IFT80: variants seen among roughly 807,000 people sequenced by gnomAD.
The protein encoded by IFT80 is intraflagellar transport 80.
IFT80 carries 79 observed loss-of-function variants against 107.9 expected under a neutral mutation model. The observed-to-expected ratio is 0.73, with a 90% CI of 0.61 to 0.88. The LOEUF (loss-of-function observed/expected upper bound fraction) is 0.88, where lower values mean the gene tolerates loss of function less well. Among genes scored for constraint, IFT80 ranks in the 40% least tolerant of loss-of-function variants. The pLI is 0.00. For missense variants in IFT80, 797 were observed against 914.2 expected (o/e 0.87, Z 1.65); for synonymous variants, 299 against 300.9 (o/e 0.99, Z 0.07).
At chr3:160,277,875 G>T (rs181646628) in intron 16 of IFT80, among the ~76,000 whole-genome samples, 53 of 152,074 alleles carry the variant, frequency 3.5e-4, no homozygotes, top group African/African-American at 1.3e-3. Context: ...ACTTTTGAAT[G>T]AAATTTTCAA....
At chr3:160,278,572 CT>C (rs1166618653) in intron 16 of IFT80, among the ~76,000 whole-genome samples, 1 of 152,120 alleles carries the variant, frequency 6.6e-6, no homozygotes, top group Non-Finnish European at 1.5e-5. Context: ...ACGCTTTCCA[CT>C]CCTTAACCTA....
intron 8 of IFT80, among the ~76,000 whole-genome samples, chr3:160,334,827 G>C (rs1420927672): frequency 6.8e-6 from 1 of 148,148 alleles, no homozygotes; most frequent in Non-Finnish European, 1.5e-5. Context: ...TTTAAAGACA[G>C]TTTCCTTGTT....
intron 1 of IFT80, among the ~76,000 whole-genome samples, chr3:160,391,323 T>C (rs181270601): frequency 6.6e-6 from 1 of 152,282 alleles, no homozygotes; most frequent in East Asian, 1.9e-4. Context: ...TAAGTTCACA[T>C]TGCCTAATTT....
In IFT80 at chr3:160,319,782, A is replaced by T; in HGVS notation, c.935T>A (p.Leu312Ter). 1 of 1,612,922 alleles carries T rather than the reference A, an allele frequency of 6.2e-7. No individual in the cohort carries two copies. Among genetic ancestry groups the T allele is most frequent in the Non-Finnish European group, 8.5e-7 (1 of 1,179,192 alleles). ...HWEWKNFQVT[L>*]TKRRAMQVRN... ...TACCTGCATGGCTCTTCTTTTCGTT[A>T]ATGTTACTTGAAAATTTTTCCACTC... The change falls in exon 9 of 20, where the codon TTA becomes TAA. Residue 312 changes from leucine (L) to a stop codon, truncating the protein, a stop_gained. Transcript: ENST00000326448. LOFTEE classifies it high-confidence loss of function.
At chr3:160,374,092 A>C (rs1217054501) in intron 5 of IFT80, among the ~76,000 whole-genome samples, 1 of 152,196 alleles carries the variant, frequency 6.6e-6, no homozygotes, top group East Asian at 1.9e-4. Context: ...GAGATAACAG[A>C]AAAATTGAAG....
intron 6 of IFT80, among the ~76,000 whole-genome samples, chr3:160,365,352 C>T (rs187128067): frequency 2.0e-5 from 3 of 152,156 alleles, no homozygotes; most frequent in East Asian, 1.9e-4. Context: ...AATATGGAAC[C>T]TCAAAGTCAT....
intron 3 of IFT80, 171 bp from the exon 4 acceptor site, chr3:160,377,711 A>G: frequency 2.1e-6 from 1 of 468,420 alleles, no homozygotes; most frequent in Non-Finnish European, 3.8e-6. Context: ...AAAATTATTT[A>G]AATATTTTAA....
At chr3:160,280,876 C>A (rs1714638331) in intron 14 of IFT80, 62 bp from the exon 15 acceptor site, 3 of 1,414,966 alleles carry the variant, frequency 2.1e-6, no homozygotes, top group Non-Finnish European at 2.9e-6. Flanking sequence ...AAAAATAGAT[C>A]TTTAAAATGC....
chr3:160,350,556 C>G (rs1351895945), intron 8 of IFT80, among the ~76,000 whole-genome samples: 2 of 152,122 alleles, frequency 1.3e-5, no homozygotes, highest in African/African-American at 4.8e-5. Context: ...GTGGCTCATG[C>G]CTGTAATCTC....
At chr3:160,258,772 G>C in intron 19 of IFT80, 137 bp from the exon 20 acceptor site, 1 of 1,154,226 alleles carries the variant, frequency 8.7e-7, no homozygotes, top group Non-Finnish European at 1.2e-6. Flanking sequence ...CAAAAGATTA[G>C]AGAAAAAGAG....
chr3:160,309,523 TA>T (rs2108279907), intron 9 of IFT80, among the ~76,000 whole-genome samples: 1 of 152,150 alleles, frequency 6.6e-6, no homozygotes, highest in East Asian at 1.9e-4. Flanking sequence ...CTGTCTCTAC[TA>T]AAAATACAAA....
intron 18 of IFT80, among the ~76,000 whole-genome samples, chr3:160,269,184 G>A (rs1259495907): frequency 2.7e-5 from 4 of 149,902 alleles, no homozygotes; most frequent in Admixed American, 1.3e-4. Context: ...AGCTGAGATC[G>A]CGCCACTGCA....
chr3:160,312,898 A>AAT (rs368490573), intron 9 of IFT80, among the ~76,000 whole-genome samples: 4,921 of 20,130 alleles, frequency 0.24, 1,492 homozygotes, highest in Non-Finnish European at 0.27. Flanking sequence ...ATAAATATAT[A>AAT]ATATATAATA....
intron 8 of IFT80, among the ~76,000 whole-genome samples, chr3:160,354,371 C>T (rs568373025): frequency 3.3e-5 from 5 of 152,200 alleles, no homozygotes; most frequent in Admixed American, 2.6e-4. Flanking sequence ...GAACTTGGGC[C>T]GGGCTGGGTG....
At chr3:160,281,737 C>T (rs1038102034) in intron 14 of IFT80, among the ~76,000 whole-genome samples, 2 of 152,142 alleles carry the variant, frequency 1.3e-5, no homozygotes, top group South Asian at 4.1e-4. Flanking sequence ...GGGAAAAACG[C>T]CTCAAGTGAG....
chr3:160,374,309 T>C (rs1362511211), intron 5 of IFT80, among the ~76,000 whole-genome samples: 2 of 150,724 alleles, frequency 1.3e-5, no homozygotes, highest in African/African-American at 4.9e-5. Flanking sequence ...CTTGGGAAGC[T>C]GAGGTGGCAA....
chr3:160,323,934 T>C (rs1410624137), intron 8 of IFT80, among the ~76,000 whole-genome samples: 1 of 151,890 alleles, frequency 6.6e-6, no homozygotes, highest in Non-Finnish European at 1.5e-5. Context: ...CAATAAAAAA[T>C]GATAAAGGGG....
intron 10 of IFT80, among the ~76,000 whole-genome samples, chr3:160,305,245 G>A (rs1475709990): frequency 6.6e-6 from 1 of 152,150 alleles, no homozygotes; most frequent in Admixed American, 6.5e-5. Context: ...AGAAGATGAA[G>A]GAGGGAAGGG....
chr3:160,362,840 A>G, intron 6 of IFT80, among the ~76,000 whole-genome samples: 1 of 152,222 alleles, frequency 6.6e-6, no homozygotes, highest in Non-Finnish European at 1.5e-5. Flanking sequence ...AAAACTCTCC[A>G]TAAACTAGGT....
Sources: allele counts gnomAD v4.1 joint callset (sites outside exome capture counted in the v4.1 genomes callset), GRCh38; gene constraint gnomAD v4.1.1; transcripts MANE v1.5; gene names NCBI Gene and HGNC (gene_info 2026-07-23, HGNC 2026-07-21).